Variants in NSD2 observed in about 807,000 individuals in gnomAD.
NSD2 encodes nuclear receptor binding SET domain protein 2.
NSD2 carries 12 observed loss-of-function variants against 139.0 expected under a neutral mutation model. The ratio of observed to expected loss-of-function variants is 0.09; its 90% CI spans 0.06 to 0.14. NSD2 has a LOEUF of 0.14. Among genes scored for constraint, NSD2 ranks in the 10% least tolerant of loss-of-function variants. The pLI is 1.00. For missense variants in NSD2, 1,155 were observed against 1,745.0 expected (o/e 0.66, Z 6.02); for synonymous variants, 669 against 648.7 (o/e 1.03, Z -0.48).
At position 1,956,115 on chromosome 4, in the gene NSD2, G is replaced by T; in HGVS notation, c.2808G>T (p.Val936=). ...ATTACTGGACGCATCAGGCGCGAGT[G>T]TTCCCGTACATGGAGGGGGACCGGG... ...KDYYWTHQAR[V]FPYMEGDRGS... The change falls in exon 15 of 22, where the codon GTG becomes GTT. Residue 936 remains valine, a synonymous_variant. Transcript: ENST00000508803. This position sits in a 1 kb window ranked among gnomAD's most constrained non-coding sequence, Gnocchi z 5.3. 1 of 1,613,942 alleles carries T rather than the reference G, an allele frequency of 6.2e-7. No individual in the cohort carries two copies. Among genetic ancestry groups the T allele is most frequent in the Non-Finnish European group, 8.5e-7 (1 of 1,180,032 alleles).
At chr4:1,878,414 A>G (rs1406362461) in intron 1 of NSD2, among the ~76,000 whole-genome samples, 4 of 151,390 alleles carry the variant, frequency 2.6e-5, no homozygotes. Context: ...GGCCAAAAAA[A>G]CTTTTTTTAA....
At chr4:1,944,698 G>A (rs1723440055) in intron 9 of NSD2, 1 of 1,064,374 alleles carries the variant, frequency 9.4e-7, no homozygotes. Flanking sequence ...GTCCTGAATT[G>A]TTTTTCTAAG....
intron 11 of NSD2, 87 bp from the exon 12 acceptor site, chr4:1,953,237 A>C: frequency 6.2e-7 from 1 of 1,608,852 alleles, no homozygotes; most frequent in Non-Finnish European, 8.5e-7. Context: ...TCTGAAGAGG[A>C]GTTGCTTGAT....
At chr4:1,901,849 A>G (rs1007878954) in intron 2 of NSD2, among the ~76,000 whole-genome samples, 3 of 152,220 alleles carry the variant, frequency 2.0e-5, no homozygotes, top group Non-Finnish European at 4.4e-5. Context: ...CCCAGTGCAG[A>G]GCCCAGCACA....
rs532244078 is a variant in NSD2, at chr4:1,980,457, GAGA to G, written c.*1551_*1553del. On this transcript the variant is annotated 3_prime_UTR_variant, in exon 22 of 22. Coordinates refer to ENST00000508803, the MANE Select transcript of NSD2 (RefSeq NM_001042424.3). ...CTAAGGGGGACACATCCATCTTGCA[GAGA>G]AGTTTACAGAACTCCCCTTGAAAAC... The G allele has an allele frequency of 2.6e-5, 6 of 233,220 alleles. No homozygotes were observed. Among genetic ancestry groups the G allele is most frequent in the Non-Finnish European group, 4.2e-5 (5 of 118,014 alleles). 14.4% of individuals were successfully genotyped at this position (233,220 alleles called of 1,614,324 possible).
intron 5 of NSD2, among the ~76,000 whole-genome samples, chr4:1,929,942 T>G (rs1721436952): frequency 6.6e-6 from 1 of 152,150 alleles, no homozygotes; most frequent in Non-Finnish European, 1.5e-5. Context: ...AGGATCAGAC[T>G]TCGGTGTGTC....
rs778224010 is a variant in NSD2, at chr4:1,974,703, C to G, written c.3373-160C>G. On this transcript the variant is annotated intron_variant, in intron 18 of 21. Coordinates refer to ENST00000508803, the MANE Select transcript of NSD2 (RefSeq NM_001042424.3). The surrounding 1 kb of genome is among the most constrained non-coding windows in gnomAD (Gnocchi z 4.0). ...TCCTCTGTGAGCAAGAGAAACAGGA[C>G]TGGTTTGGGGGTGTCCTGTCTCAGT... The G allele has an allele frequency of 9.9e-7, 1 of 1,013,674 alleles. No homozygotes were observed. The highest frequency in any genetic ancestry group is 1.5e-6 in the Non-Finnish European group (1 of 646,036). The allele number at this position is 1,013,674 out of a possible 1,614,324, so 62.8% of individuals were successfully genotyped here.
chr4:1,918,259 T>A lies in NSD2; in HGVS notation c.1046T>A (p.Val349Glu). 6.2e-7 allele frequency: 1 copy of A among 1,613,886 alleles called. No homozygotes were observed. The highest frequency in any genetic ancestry group is 8.5e-7 in the Non-Finnish European group (1 of 1,180,004). ...AAAGCCAAGTTCACCTTTCTCTATG[T>A]GGGGGACCAGCTTCATCTCAACCCT... ...ERKAKFTFLY[V>E]GDQLHLNPQV... Residue 349 changes from valine to glutamate, a missense_variant, in exon 5 of 22, where the codon GTG becomes GAG. Transcript: ENST00000508803.
chr4:1,906,681 GAC>G (rs1352524101), intron 3 of NSD2, among the ~76,000 whole-genome samples: 110 of 89,014 alleles, frequency 1.2e-3, no homozygotes, highest in African/African-American at 4.6e-3. Flanking sequence ...TTTTTTTTGA[GAC>G]ACAGTTTCAC....
Position 1,981,532 on chromosome 4 carries a change from G to C in NSD2, c.*2623G>C. The C allele has an allele frequency of 3.5e-6, 1 of 287,854 alleles. No individual in the cohort carries two copies. Among genetic ancestry groups the C allele is most frequent in the Non-Finnish European group, 6.4e-6 (1 of 155,276 alleles). 17.8% of individuals were successfully genotyped at this position (287,854 alleles called of 1,614,324 possible). ...TCTGCACCTAAACCCATACCCACCCGTGTGCGCCCACAGGGGGATGTGTCC... is the reference window on the plus strand; with the variant it reads ...TCTGCACCTAAACCCATACCCACCCCTGTGCGCCCACAGGGGGATGTGTCC... On this transcript the variant is annotated 3_prime_UTR_variant, in exon 22 of 22. Coordinates refer to ENST00000508803, the MANE Select transcript of NSD2 (RefSeq NM_001042424.3).
intron 1 of NSD2, among the ~76,000 whole-genome samples, chr4:1,891,229 A>G (rs527331376): frequency 4.5e-4 from 68 of 152,334 alleles, no homozygotes; most frequent in African/African-American, 1.4e-3. Flanking sequence ...CAGAGGTTCT[A>G]CCATCATTCA....
chr4:1,941,458 C>G (rs1443566282), intron 9 of NSD2: 2 of 1,047,408 alleles, frequency 1.9e-6, no homozygotes, highest in African/African-American at 3.3e-5. Flanking sequence ...TCGAGGCCTG[C>G]CCATGAGTCA....
chr4:1,957,289 T>G (rs1451608707), intron 15 of NSD2, among the ~76,000 whole-genome samples: 1 of 135,776 alleles, frequency 7.4e-6, no homozygotes, highest in African/African-American at 2.8e-5. Flanking sequence ...TTTGTTTTTG[T>G]TTTTTTTTTT....
At chr4:1,922,613 G>A (rs1388005790) in intron 5 of NSD2, among the ~76,000 whole-genome samples, 2 of 152,166 alleles carry the variant, frequency 1.3e-5, no homozygotes, top group Non-Finnish European at 2.9e-5. Context: ...CTACCAGATA[G>A]GAAGTTATCT....
chr4:1,908,891 T>C (rs1718293238), intron 3 of NSD2, among the ~76,000 whole-genome samples: 1 of 152,104 alleles, frequency 6.6e-6, no homozygotes, highest in African/African-American at 2.4e-5. Context: ...GTCATCTTCT[T>C]CCTGCCTTGG....
chr4:1,907,712 A>C (rs898005039), intron 3 of NSD2, among the ~76,000 whole-genome samples: 3 of 146,564 alleles, frequency 2.0e-5, no homozygotes, highest in African/African-American at 7.5e-5. Flanking sequence ...TCCTGGGTTC[A>C]AGCAATTCTC....
intron 3 of NSD2, among the ~76,000 whole-genome samples, chr4:1,909,604 G>A (rs1718394018): frequency 6.6e-6 from 1 of 152,010 alleles, no homozygotes; most frequent in Admixed American, 6.6e-5. Context: ...TGTGAAGCCA[G>A]TACTTTTATA....
chr4:1,962,617 G>T (rs576788615), intron 18 of NSD2, among the ~76,000 whole-genome samples: 3 of 152,142 alleles, frequency 2.0e-5, no homozygotes, highest in Non-Finnish European at 4.4e-5. Flanking sequence ...ACTGATGTTC[G>T]TTATAGTATT....
intron 9 of NSD2, chr4:1,941,540 C>T: frequency 9.6e-7 from 1 of 1,041,638 alleles, no homozygotes; most frequent in Non-Finnish European, 1.2e-6. Context: ...ATTTTATCAT[C>T]ATTAGACTTA....
Sources: allele counts gnomAD v4.1 joint callset (sites outside exome capture counted in the v4.1 genomes callset), GRCh38; gene constraint gnomAD v4.1.1; non-coding constraint Gnocchi (gnomAD v3.1); transcripts MANE v1.5; gene names NCBI Gene and HGNC (gene_info 2026-07-23, HGNC 2026-07-21).